RGSL1: variants seen among roughly 807,000 people sequenced by gnomAD.
RGSL1 encodes the protein regulator of G protein signaling protein-like.
Under a neutral mutation model 124.7 loss-of-function variants are expected in RGSL1, and 97 were observed. The observed-to-expected ratio is 0.78, with a 90% CI of 0.66 to 0.92. The LOEUF (loss-of-function observed/expected upper bound fraction) is 0.92. Ranked by LOEUF, RGSL1 falls within the 40% of genes least tolerant of loss-of-function variation. The pLI is 0.00. For missense variants in RGSL1, 1,233 were observed against 1,288.4 expected (o/e 0.96, Z 0.66); for synonymous variants, 424 against 438.1 (o/e 0.97, Z 0.40).
chr1:182,466,121 A>T (rs890701558), intron 4 of RGSL1, among the ~76,000 whole-genome samples: 4 of 149,930 alleles, frequency 2.7e-5, no homozygotes, highest in Non-Finnish European at 5.9e-5. Flanking sequence ...ACACCCTTTC[A>T]TGAAAAAAAA....
At chr1:182,506,870 A>G (rs79244863) in intron 9 of RGSL1, among the ~76,000 whole-genome samples, 3,022 of 152,208 alleles carry the variant, frequency 0.02, 99 homozygotes, top group African/African-American at 0.069. Flanking sequence ...CCATCACCCT[A>G]AATATTTGTT....
chr1:182,515,684 G>C (rs969296969), intron 9 of RGSL1, among the ~76,000 whole-genome samples: 9 of 152,178 alleles, frequency 5.9e-5, no homozygotes, highest in African/African-American at 1.9e-4. Context: ...TGGCTCCGCC[G>C]GCACGGCAAA....
At chr1:182,513,368 GA>G (rs975227627) in intron 9 of RGSL1, among the ~76,000 whole-genome samples, 6 of 152,042 alleles carry the variant, frequency 3.9e-5, no homozygotes, top group East Asian at 1.9e-4. Flanking sequence ...AGGTGAGAGA[GA>G]AAAAAAAGAT....
intron 10 of RGSL1, 40 bp downstream of exon 10, chr1:182,522,149 C>A: frequency 7.1e-7 from 1 of 1,404,680 alleles, no homozygotes; most frequent in Non-Finnish European, 9.8e-7. Flanking sequence ...TCTTCAGGTA[C>A]ATGCTTTTGA....
intron 9 of RGSL1, among the ~76,000 whole-genome samples, chr1:182,497,326 T>TTA (rs1037885751): frequency 0.017 from 2,447 of 146,670 alleles, 66 homozygotes; most frequent in African/African-American, 0.057. Flanking sequence ...GATATATATA[T>TTA]TATATATATA....
chr1:182,530,106 A>G (rs1659052923), intron 11 of RGSL1, 138 bp from the exon 12 acceptor site: 4 of 613,158 alleles, frequency 6.5e-6, no homozygotes, highest in Admixed American at 6.1e-5. Context: ...CAAACAAACT[A>G]TGGCGGGATC....
chr1:182,533,322 A>G (rs946809610), intron 14 of RGSL1, among the ~76,000 whole-genome samples: 12 of 149,938 alleles, frequency 8.0e-5, no homozygotes, highest in Admixed American at 7.3e-4. Context: ...TTGTTCAACA[A>G]TGTATCTTGG....
chr1:182,531,694 A>G (rs1659184166), intron 13 of RGSL1, among the ~76,000 whole-genome samples: 1 of 152,196 alleles, frequency 6.6e-6, no homozygotes, highest in South Asian at 2.1e-4. Context: ...GAATGGTCAT[A>G]TAGACTACTA....
chr1:182,475,848 ATTAT>A (rs1654249836), intron 6 of RGSL1, among the ~76,000 whole-genome samples: 1 of 152,190 alleles, frequency 6.6e-6, no homozygotes, highest in Admixed American at 6.5e-5. Context: ...AAAACATCAA[ATTAT>A]TTAGTGCATT....
At chr1:182,531,445 T>C (rs544570625) in intron 13 of RGSL1, among the ~76,000 whole-genome samples, 1 of 152,230 alleles carries the variant, frequency 6.6e-6, no homozygotes, top group East Asian at 1.9e-4. Flanking sequence ...GTCTCTATGG[T>C]TTGAGAAAAA....
intron 15 of RGSL1, among the ~76,000 whole-genome samples, chr1:182,547,712 T>A (rs4652730): frequency 0.52 from 79,433 of 151,630 alleles, 20,998 homozygotes; most frequent in Non-Finnish European, 0.56. Context: ...ATACAAAAAA[T>A]TAGCCAGGTG....
intron 8 of RGSL1, among the ~76,000 whole-genome samples, chr1:182,491,492 G>A (rs936267768): frequency 6.6e-6 from 1 of 152,120 alleles, no homozygotes; most frequent in African/African-American, 2.4e-5. Context: ...TGGGATTACA[G>A]GTGTGAGCCA....
At chr1:182,463,653 C>T (rs879072624) in intron 4 of RGSL1, among the ~76,000 whole-genome samples, 1 of 152,086 alleles carries the variant, frequency 6.6e-6, no homozygotes, top group East Asian at 1.9e-4. Context: ...CAAGTTTCAA[C>T]ATATCAAGAT....
At chr1:182,456,377 A>C (rs1195584516) in intron 2 of RGSL1, among the ~76,000 whole-genome samples, 1 of 151,602 alleles carries the variant, frequency 6.6e-6, no homozygotes, top group East Asian at 1.9e-4. Context: ...TCTCACTGCA[A>C]CCTCCACCTT....
chr1:182,484,041 G>A (rs963268958), intron 6 of RGSL1, among the ~76,000 whole-genome samples: 1 of 152,050 alleles, frequency 6.6e-6, no homozygotes, highest in Non-Finnish European at 1.5e-5. Flanking sequence ...GGACGGTGGG[G>A]CTCAGAAGTA....
rs1410789857 is a variant in RGSL1 at position 182,509,690 on chromosome 1, G to C, written c.1826-12314G>C. Reference sequence around the variant, plus strand: ...GGGCTGAACCCCCCACCTCCCTCCCGGACGGCACGGCTGGCCGGGCGGGGG... The same window carrying C: ...GGGCTGAACCCCCCACCTCCCTCCCCGACGGCACGGCTGGCCGGGCGGGGG... On this transcript the variant is annotated intron_variant, in intron 9 of 21. Transcript: ENST00000294854. 5.8e-5 allele frequency among the ~76,000 whole-genome samples: 8 copies of C among 137,666 alleles called. 1 individual carries two copies. Among genetic ancestry groups the C allele is most frequent in the Non-Finnish European group, 1.3e-4 (8 of 62,756 alleles). The allele number at this position is 137,666 out of a possible 152,430, so 90.3% of individuals were successfully genotyped here.
chr1:182,526,528 G>A (rs924495928), intron 10 of RGSL1, among the ~76,000 whole-genome samples: 3 of 151,866 alleles, frequency 2.0e-5, no homozygotes, highest in Non-Finnish European at 2.9e-5. Context: ...AACATTATTA[G>A]CAGGGCATGG....
intron 3 of RGSL1, among the ~76,000 whole-genome samples, chr1:182,458,742 G>T (rs1652559456): frequency 2.0e-5 from 3 of 152,074 alleles, no homozygotes; most frequent in Non-Finnish European, 4.4e-5. Flanking sequence ...CAAATTGCTG[G>T]GATTACAGGC....
Position 182,472,567 on chromosome 1 carries a change from A to T in RGSL1, c.463+10A>T. 6.6e-7 allele frequency: 1 copy of T among 1,510,144 alleles called. No homozygotes were observed. The highest frequency in any genetic ancestry group is 2.5e-5 in the East Asian group (1 of 39,876). The allele number at this position is 1,510,144 out of a possible 1,614,324, so 93.5% of individuals were successfully genotyped here. A position where few individuals can be genotyped will look rare whatever the true frequency, so the allele number is the denominator to read the frequency against. ...TGTAACATGAACATCAGTAAGAATT[A>T]TAAAGCATCTTTTTGGGGGGATGCA... On this transcript the variant is annotated intron_variant, in intron 5 of 21. Transcript: ENST00000294854.
Sources: gnomAD v4.1 joint callset for allele counts (sites outside exome capture counted in the v4.1 genomes callset) on GRCh38, gnomAD v4.1.1 for gene constraint, MANE v1.5 for transcripts, NCBI Gene and HGNC (gene_info 2026-07-23, HGNC 2026-07-21) for gene names.